DSCAM: variants seen among roughly 807,000 people sequenced by gnomAD.
DSCAM encodes cell adhesion molecule DSCAM.
A neutral mutation model predicts 217.7 loss-of-function variants in DSCAM; 47 were observed. That is an observed-to-expected ratio of 0.22 (90% CI 0.17 to 0.28). The LOEUF is 0.28. Ranked by LOEUF, DSCAM falls within the 10% of genes least tolerant of loss-of-function variation. DSCAM has a pLI of 1.00. For missense variants in DSCAM, 2,080 were observed against 2,618.3 expected (o/e 0.79, Z 4.49); for synonymous variants, 1,056 against 1,015.3 (o/e 1.04, Z -0.76).
chr21:40,418,456 G>C (rs1047895522), intron 3 of DSCAM, among the ~76,000 whole-genome samples: 6 of 152,204 alleles, frequency 3.9e-5, no homozygotes, highest in Non-Finnish European at 1.5e-5. Context: ...CTGGGAACGG[G>C]AGAATTTTGT....
At chr21:40,153,319 T>G (rs1471481635) in intron 16 of DSCAM, among the ~76,000 whole-genome samples, 1 of 152,182 alleles carries the variant, frequency 6.6e-6, no homozygotes, top group Non-Finnish European at 1.5e-5. Flanking sequence ...TGCTGAAGGT[T>G]TGCCCAGAGT....
At chr21:40,400,057 T>C (rs11909247) in intron 3 of DSCAM, among the ~76,000 whole-genome samples, 18,917 of 152,138 alleles carry the variant, frequency 0.12, 1,785 homozygotes, top group African/African-American at 0.26. Context: ...GCAGGTGTCA[T>C]GGTCAGCATT....
At chr21:40,606,009 C>G (rs1165002495) in intron 3 of DSCAM, among the ~76,000 whole-genome samples, 1 of 151,938 alleles carries the variant, frequency 6.6e-6, no homozygotes, top group East Asian at 1.9e-4. Context: ...CCATGCTGGC[C>G]AGGCTGGAGT....
rs150402544 is a variant in DSCAM at position 40,833,178 on chromosome 21, A to G, written c.43+13441T>C. Among the ~76,000 whole-genome samples the G allele has an allele frequency of 3.3e-3, 501 of 152,184 alleles. 3 individuals carry two copies. Among genetic ancestry groups the G allele is most frequent in the African/African-American group, 0.011 (471 of 41,510 alleles). On this transcript the variant is annotated intron_variant, in intron 1 of 32. Transcript: ENST00000400454. The stretch of plus-strand genomic sequence containing the variant: ...AGATTTCATGGACTTTGGAGCCACT[A>G]CAGCTGTCTCTGCACTCTCCTCTTC...
intron 10 of DSCAM, among the ~76,000 whole-genome samples, chr21:40,277,738 A>C (rs2123386493): frequency 6.7e-6 from 1 of 149,684 alleles, no homozygotes; most frequent in Admixed American, 6.7e-5. Flanking sequence ...GGTTCAAGTG[A>C]TTCTCCTGCT....
chr21:40,369,218 C>A lies in DSCAM; in HGVS notation c.536G>T (p.Gly179Val), dbSNP rs1156766287. Residue 179 changes from glycine to valine, a missense_variant, in exon 4 of 33, where the codon GGA becomes GTA. Transcript: ENST00000400454. Reference protein sequence around the residue: ...SGSRFLITSTGALYIKDVQNE... With the variant: ...SGSRFLITSTVALYIKDVQNE... ...CTGTACATCTTTAATATACAAGGCT[C>A]CCGTGGATGTGATGAGAAATCTAGA... is the stretch of plus-strand genomic sequence containing the variant. 1.2e-6 allele frequency: 2 copies of A among 1,609,550 alleles called. No individual in the cohort carries two copies. Among genetic ancestry groups the A allele is most frequent in the Non-Finnish European group, 1.7e-6 (2 of 1,178,226 alleles).
At chr21:40,147,058 AAAT>A (rs1389908288) in intron 16 of DSCAM, among the ~76,000 whole-genome samples, 1 of 152,202 alleles carries the variant, frequency 6.6e-6, no homozygotes, top group African/African-American at 2.4e-5. Flanking sequence ...GACCCAAATA[AAAT>A]AATATTATTT....
At chr21:40,282,194 G>A (rs76906716) in intron 10 of DSCAM, among the ~76,000 whole-genome samples, 77 of 152,274 alleles carry the variant, frequency 5.1e-4, no homozygotes, top group African/African-American at 1.9e-3. Context: ...GGCTATTAAT[G>A]TCGTTCCCAA....
At chr21:40,170,259 T>A (rs975712252) in intron 15 of DSCAM, among the ~76,000 whole-genome samples, 6 of 152,204 alleles carry the variant, frequency 3.9e-5, no homozygotes, top group East Asian at 3.9e-4. Context: ...TGGGGACCTG[T>A]CCCTGTAGTG....
rs114696023 is a variant in DSCAM at position 40,087,433 on chromosome 21, C to T, written c.3851-146G>A. 519 of 614,366 alleles carry T rather than the reference C, an allele frequency of 8.4e-4. 3 individuals are homozygous for T. In the African/African-American group the frequency reaches 8.8e-3, roughly 10 times the overall value. The allele number at this position is 614,366 out of a possible 1,614,324, so 38.1% of individuals were successfully genotyped here. ...ACTGTCAACACTACTCTCTGGTACCCGGGTTATGAGGAATTGTCATTGTAA... is the reference window on the plus strand; with the variant it reads ...ACTGTCAACACTACTCTCTGGTACCTGGGTTATGAGGAATTGTCATTGTAA... On this transcript the variant is annotated intron_variant, in intron 21 of 32. Coordinates refer to ENST00000400454, the MANE Select transcript of DSCAM (RefSeq NM_001389.5).
At chr21:40,180,807 G>C (rs544574674) in intron 14 of DSCAM, among the ~76,000 whole-genome samples, 2 of 152,146 alleles carry the variant, frequency 1.3e-5, no homozygotes, top group African/African-American at 4.8e-5. Flanking sequence ...AGGCATATGA[G>C]TGTCCATGAC....
intron 11 of DSCAM, among the ~76,000 whole-genome samples, chr21:40,214,337 G>A (rs1357916767): frequency 1.3e-5 from 2 of 152,206 alleles, no homozygotes; most frequent in Non-Finnish European, 2.9e-5. Flanking sequence ...ATGTAATCAA[G>A]ATAAAATATG....
intron 28 of DSCAM, among the ~76,000 whole-genome samples, chr21:40,057,167 A>G (rs2089038630): frequency 6.6e-6 from 1 of 152,244 alleles, no homozygotes; most frequent in Non-Finnish European, 1.5e-5. Context: ...TCTGCAGATA[A>G]GGAACTGGGC....
chr21:40,409,645 A>C (rs922901257), intron 3 of DSCAM, among the ~76,000 whole-genome samples: 3 of 152,242 alleles, frequency 2.0e-5, no homozygotes, highest in Admixed American at 6.5e-5. Context: ...ACTGGAGCTC[A>C]TACAGAGGTG....
intron 3 of DSCAM, among the ~76,000 whole-genome samples, chr21:40,540,850 A>G (rs76349743): frequency 6.4e-4 from 97 of 152,262 alleles, no homozygotes; most frequent in African/African-American, 2.3e-3. Context: ...AAAATATTTT[A>G]TTAAAAGGAA....
At chr21:40,050,284 C>T (rs2088907806) in intron 30 of DSCAM, among the ~76,000 whole-genome samples, 1 of 152,204 alleles carries the variant, frequency 6.6e-6, no homozygotes, top group Non-Finnish European at 1.5e-5. Context: ...TGCTCTTCTG[C>T]CACCGTTTCC....
At chr21:40,780,423 G>GTGTGTATATATATATATA (rs1007015659) in intron 1 of DSCAM, among the ~76,000 whole-genome samples, 608 of 56,212 alleles carry the variant, frequency 0.011, 3 homozygotes, top group East Asian at 0.026. Context: ...GTGTGTGTGT[G>GTGTGTATATATATATATA]TATATATATA....
At chr21:40,831,829 A>T (rs79222062) in intron 1 of DSCAM, among the ~76,000 whole-genome samples, 2,558 of 152,346 alleles carry the variant, frequency 0.017, 133 homozygotes, top group Admixed American at 0.095. Context: ...GAAATGGCTG[A>T]CATGGAAAAG....
chr21:40,749,462 A>G (rs930933968), intron 1 of DSCAM, among the ~76,000 whole-genome samples: 4 of 152,160 alleles, frequency 2.6e-5, no homozygotes, highest in Non-Finnish European at 5.9e-5. Flanking sequence ...GCCAACAGCT[A>G]TATGAAAAAA....
Sources: gnomAD v4.1 joint callset for allele counts (sites outside exome capture counted in the v4.1 genomes callset) on GRCh38, gnomAD v4.1.1 for gene constraint, MANE v1.5 for transcripts, NCBI Gene and HGNC (gene_info 2026-07-23, HGNC 2026-07-21) for gene names.